Variants in SPTBN1 observed in about 807,000 individuals in gnomAD.
SPTBN1 encodes the protein spectrin beta, non-erythrocytic 1, also known as spectrin beta chain, non-erythrocytic 1.
SPTBN1 carries 32 observed loss-of-function variants against 266.4 expected under a neutral mutation model. That is an observed-to-expected ratio of 0.12 (90% confidence interval 0.09 to 0.16). The LOEUF is 0.16. Ranked by LOEUF, SPTBN1 falls within the 10% of genes least tolerant of loss-of-function variation. SPTBN1 has a pLI of 1.00. For synonymous variants in SPTBN1, 1,336 were observed against 1,162.2 expected, an observed-to-expected ratio of 1.15 and a Z score of -3.04; for missense variants, 2,296 against 3,067.1, an observed-to-expected ratio of 0.75 and a Z score of 5.94.
rs570206453 is a variant in SPTBN1 at position 54,545,989 on chromosome 2, C to G, written c.148+19423C>G. ...GAAATAATGCCCTGTGACTCTGACT[C>G]AAGACCTAGTCTCTTGTTAATTTTT... On this transcript the variant is annotated intron_variant, in intron 2 of 35. Coordinates refer to ENST00000356805, the MANE Select transcript of SPTBN1 (RefSeq NM_003128.3). 4.6e-5 allele frequency among the ~76,000 whole-genome samples: 7 copies of G among 152,290 alleles called. No homozygotes were observed. The East Asian group carries it at 7.7e-4, about 17-fold the overall frequency.
intron 2 of SPTBN1, among the ~76,000 whole-genome samples, chr2:54,555,600 C>T (rs1213188097): frequency 6.6e-6 from 1 of 152,196 alleles, no homozygotes; most frequent in Non-Finnish European, 1.5e-5. Context: ...CATACCACTT[C>T]CAGATTAATC....
chr2:54,569,646 A>G (rs1187113357), intron 2 of SPTBN1, among the ~76,000 whole-genome samples: 1 of 152,176 alleles, frequency 6.6e-6, no homozygotes, highest in Non-Finnish European at 1.5e-5. Context: ...CACTTTCCAA[A>G]TCAGACAATT....
At chr2:54,536,392 C>T (rs768160559) in intron 2 of SPTBN1, among the ~76,000 whole-genome samples, 19 of 152,092 alleles carry the variant, frequency 1.2e-4, no homozygotes, top group Admixed American at 8.5e-4. Flanking sequence ...TCAGTGATAC[C>T]ATTCAATTTA....
rs1693035076 is a variant in SPTBN1, at chr2:54,456,464, C to A, written c.-102C>A. 6.6e-6 allele frequency: 1 copy of A among 152,088 alleles called. No homozygotes were observed. Among genetic ancestry groups the A allele is most frequent in the South Asian group, 2.1e-4 (1 of 4,830 alleles). The allele number at this position is 152,088 out of a possible 1,614,324, so 9.4% of individuals were successfully genotyped here. On this transcript the variant is annotated 5_prime_UTR_variant, in exon 1 of 36. Transcript: ENST00000356805. ...TCGCCTCCCGGCCCACCCGCCCGGC[C>A]GCCGAGGAGCGGGAGGAGGACGGGA...
intron 27 of SPTBN1, among the ~76,000 whole-genome samples, chr2:54,654,836 AAAAC>A (rs1680542590): frequency 6.6e-6 from 1 of 152,210 alleles, no homozygotes; most frequent in African/African-American, 2.4e-5. Flanking sequence ...CACACACACA[AAAAC>A]AAAAGCAGCC....
chr2:54,552,181 A>G (rs1672612241), intron 2 of SPTBN1, among the ~76,000 whole-genome samples: 2 of 152,206 alleles, frequency 1.3e-5, no homozygotes, highest in South Asian at 4.1e-4. Context: ...TGCAGCTGAT[A>G]GCTTCCTTGG....
Position 54,631,005 on chromosome 2 carries a change from T to C in SPTBN1, c.2958T>C (p.Asn986=), listed in dbSNP as rs1194280600. 2 of 1,614,110 alleles carry C rather than the reference T, an allele frequency of 1.2e-6. No homozygotes were observed. Among genetic ancestry groups the C allele is most frequent in the Admixed American group, 1.7e-5 (1 of 60,026 alleles). Residue 986 remains asparagine (N), a synonymous_variant, in exon 16 of 36, where the codon AAT becomes AAC. Coordinates refer to ENST00000356805, the MANE Select transcript of SPTBN1 (RefSeq NM_003128.3). The part of the protein sequence containing the change: ...KVIESTQDLG[N]DLAGVMALQR... ...TCGAGTCCACCCAGGACCTGGGCAA[T>C]GACCTGGCTGGCGTCATGGCCCTGC...
In SPTBN1 at chr2:54,594,851, T is replaced by TTTTTTTTTTTG. The variant is rs10673399; in HGVS notation, c.149-4241_149-4240insTTTTTTTTTTG. 1.4e-4 allele frequency among the ~76,000 whole-genome samples: 20 copies of TTTTTTTTTTTG among 144,952 alleles called. 1 individual carries two copies. The highest frequency in any genetic ancestry group is 5.3e-4 in the African/African-American group (19 of 35,916). On this transcript the variant is annotated intron_variant, in intron 2 of 35. Transcript: ENST00000356805. ...TAAGTTTCTTTTTTTTTTTTTTTTT[T>TTTTTTTTTTTG]GAGACAGAGTTTCGCTCTTGTTGCC...
Position 54,554,156 on chromosome 2 carries a change from A to G in SPTBN1, c.148+27590A>G, listed in dbSNP as rs1056775483. On this transcript the variant is annotated intron_variant, in intron 2 of 35. Coordinates refer to ENST00000356805, the MANE Select transcript of SPTBN1 (RefSeq NM_003128.3). The surrounding 1 kb of genome is among the most constrained non-coding windows in gnomAD (Gnocchi z 4.5). ...TTTTAGGTTAATCTTGATACCACTT[A>G]CTGAGTTCTGTGATTTTTCAGAAAA... is the stretch of plus-strand genomic sequence containing the variant. Among the ~76,000 whole-genome samples the G allele has an allele frequency of 6.6e-6, 1 of 152,132 alleles. No homozygotes were observed. Among genetic ancestry groups the G allele is most frequent in the Non-Finnish European group, 1.5e-5 (1 of 68,024 alleles).
At position 54,554,706 on chromosome 2, in the gene SPTBN1, T is replaced by TC. The variant is rs1489958017; in HGVS notation, c.148+28141dup. The stretch of plus-strand genomic sequence containing the variant: ...ATTAGGGTAAGCCTGAGTCCCTGAC[T>TC]CTGGACTTGAGTCTTTCCACCAGCC... On this transcript the variant is annotated intron_variant, in intron 2 of 35. Coordinates refer to ENST00000356805, the MANE Select transcript of SPTBN1 (RefSeq NM_003128.3). This position sits in a 1 kb window ranked among gnomAD's most constrained non-coding sequence, Gnocchi z 4.5. 6.6e-6 allele frequency among the ~76,000 whole-genome samples: 1 copy of TC among 152,208 alleles called. No individual in the cohort carries two copies.
chr2:54,522,693 G>GAAAGAA (rs1558802643), intron 1 of SPTBN1, among the ~76,000 whole-genome samples: 1 of 52,604 alleles, frequency 1.9e-5, no homozygotes, highest in African/African-American at 7.3e-5. Context: ...GAGAGAGAGA[G>GAAAGAA]AGAGAGAAAG....
chr2:54,632,981 AC>A (rs1346184575), intron 17 of SPTBN1, among the ~76,000 whole-genome samples: 2 of 152,230 alleles, frequency 1.3e-5, no homozygotes, highest in African/African-American at 4.8e-5. Context: ...ACAAGTGTCC[AC>A]AAAAGGAAAG....
intron 1 of SPTBN1, among the ~76,000 whole-genome samples, chr2:54,521,025 G>A (rs890063886): frequency 2.6e-5 from 4 of 152,152 alleles, no homozygotes; most frequent in Admixed American, 1.3e-4. Flanking sequence ...TATTTAAGAA[G>A]TACAGATGAC....
Position 54,624,956 on chromosome 2 carries a change from G to A in SPTBN1, c.1335G>A (p.Val445=), listed in dbSNP as rs1278807705. The A allele has an allele frequency of 5.0e-6, 8 of 1,602,898 alleles. No individual in the cohort carries two copies. In the East Asian group the frequency reaches 8.9e-5, roughly 18 times the overall value. The change falls in exon 11 of 36, where the codon GTG becomes GTA. Residue 445 remains valine, a synonymous_variant. Transcript: ENST00000356805. ...GGCTGAGCGAAAACCAGCGTCTGGT[G>A]TCTCAGGTTCTGCTCTTGACATTAT... ...ETWLSENQRL[V]SQDNFGFDLP... is the part of the protein sequence containing the mutation.
intron 1 of SPTBN1, among the ~76,000 whole-genome samples, chr2:54,483,814 G>A (rs1447617278): frequency 1.3e-5 from 2 of 152,210 alleles, no homozygotes; most frequent in Admixed American, 6.5e-5. Flanking sequence ...AAACCAGGGT[G>A]AAGTTTAAGT....
At chr2:54,575,512 A>G (rs1478341668) in intron 2 of SPTBN1, among the ~76,000 whole-genome samples, 2 of 152,252 alleles carry the variant, frequency 1.3e-5, no homozygotes, top group South Asian at 2.1e-4. Flanking sequence ...CCACTTGTGG[A>G]TACGGTATTT....
chr2:54,659,123 C>T (rs780781707), intron 30 of SPTBN1, 31 bp from the exon 31 acceptor site: 31 of 1,609,590 alleles, frequency 1.9e-5, no homozygotes, highest in Non-Finnish European at 3.4e-6. Flanking sequence ...GAGTTTGGGA[C>T]TCTACCAAAC....
At chr2:54,620,897 A>C (rs1572695617) in intron 7 of SPTBN1, among the ~76,000 whole-genome samples, 1 of 152,194 alleles carries the variant, frequency 6.6e-6, no homozygotes, top group Non-Finnish European at 1.5e-5. Context: ...GTCTGGGTGC[A>C]CTATGTGAAG....
In SPTBN1 at chr2:54,520,637, A is replaced by G. The variant is rs548303096; in HGVS notation, c.-47-5735A>G. Among the ~76,000 whole-genome samples, 65 of 151,534 alleles carry G rather than the reference A, an allele frequency of 4.3e-4. 3 individuals are homozygous for G. In the South Asian group the frequency reaches 0.013, roughly 30 times the overall value. ...TACATATTCCTTTTTATACATACAC[A>G]CACCCACACCCTACCCCATGCCACC... On this transcript the variant is annotated intron_variant, in intron 1 of 35. Transcript: ENST00000356805.
Sources: gnomAD v4.1 joint callset for allele counts (sites outside exome capture counted in the v4.1 genomes callset) on GRCh38, gnomAD v4.1.1 for gene constraint, Gnocchi (gnomAD v3.1) non-coding constraint, MANE v1.5 for transcripts, NCBI Gene and HGNC (gene_info 2026-07-23, HGNC 2026-07-21) for gene names.